The following NARS2 variants were observed in gnomAD, a reference collection of about 807,000 sequenced individuals.
The protein encoded by NARS2 is asparaginyl-tRNA synthetase 2, mitochondrial.
NARS2 carries 60 observed loss-of-function variants against 62.9 expected under a neutral mutation model. The ratio of observed to expected loss-of-function variants is 0.95; its 90% confidence interval spans 0.77 to 1.18. NARS2 has a LOEUF of 1.18. NARS2 is among the 50% of genes most tolerant of loss of function. NARS2 has a pLI of 0.00. For synonymous variants in NARS2, 196 were observed against 200.0 expected (o/e 0.98, Z 0.17); for missense variants, 619 against 576.4 (o/e 1.07, Z -0.76).
intron 11 of NARS2, 52 bp from the exon 12 acceptor site, chr11:78,443,810 G>A: frequency 7.4e-7 from 1 of 1,345,988 alleles, no homozygotes; most frequent in Non-Finnish European, 1.1e-6. Flanking sequence ...GATTCCAACA[G>A]TCAGTTTCTG....
intron 11 of NARS2, among the ~76,000 whole-genome samples, chr11:78,464,805 C>G (rs920276882): frequency 1.3e-5 from 2 of 152,176 alleles, no homozygotes; most frequent in Non-Finnish European, 2.9e-5. Flanking sequence ...TGTTTACAAA[C>G]CTTGAGCTAG....
Position 78,571,347 on chromosome 11 carries a change from C to G in NARS2, c.239G>C (p.Gly80Ala). The change falls in exon 2 of 14, where the codon GGC (glycine) becomes GCC (alanine). Residue 80 changes from glycine (G) to alanine (A), a missense_variant. Transcript: ENST00000281038. ...LESLQVVADS[G>A]LDSRELNFGS... ...AAACAAAACTCACCTACTGTCAAGG[C>G]CTGAATCTGCAACAACCTGAAGGCT... The G allele has an allele frequency of 6.2e-7, 1 of 1,611,496 alleles. No individual in the cohort carries two copies. Among genetic ancestry groups the G allele is most frequent in the Non-Finnish European group, 8.5e-7 (1 of 1,177,926 alleles).
chr11:78,509,635 G>C (rs180894491), intron 6 of NARS2, among the ~76,000 whole-genome samples: 1 of 152,026 alleles, frequency 6.6e-6, no homozygotes, highest in African/African-American at 2.4e-5. Context: ...GCATTTCAAA[G>C]ATTTATTCAT....
At chr11:78,518,085 T>A (rs1860978754) in intron 6 of NARS2, among the ~76,000 whole-genome samples, 1 of 152,208 alleles carries the variant, frequency 6.6e-6, no homozygotes, top group Admixed American at 6.5e-5. Context: ...CAACCGACTT[T>A]GGATTGAAAA....
chr11:78,472,651 C>T (rs1858924111), intron 9 of NARS2, among the ~76,000 whole-genome samples: 1 of 152,138 alleles, frequency 6.6e-6, no homozygotes, highest in South Asian at 2.1e-4. Flanking sequence ...CAAAAGAATA[C>T]AAGTCACATG....
intron 6 of NARS2, among the ~76,000 whole-genome samples, chr11:78,522,327 G>A (rs1861162181): frequency 6.6e-6 from 1 of 152,076 alleles, no homozygotes; most frequent in Admixed American, 6.6e-5. Flanking sequence ...AGAGCTTTCA[G>A]ATAATGATAC....
chr11:78,460,542 G>A (rs1354574131), intron 11 of NARS2, among the ~76,000 whole-genome samples: 2 of 152,172 alleles, frequency 1.3e-5, no homozygotes, highest in African/African-American at 4.8e-5. Flanking sequence ...AAGAGGAAAT[G>A]AAGAGAAATG....
At chr11:78,511,486 G>A (rs1860718972) in intron 6 of NARS2, among the ~76,000 whole-genome samples, 1 of 152,282 alleles carries the variant, frequency 6.6e-6, no homozygotes, top group East Asian at 1.9e-4. Context: ...GGGAGGCCAA[G>A]ACAGGCGGAT....
At chr11:78,459,235 T>G (rs1377131151) in intron 11 of NARS2, among the ~76,000 whole-genome samples, 1 of 147,828 alleles carries the variant, frequency 6.8e-6, no homozygotes, top group Non-Finnish European at 1.5e-5. Context: ...CTGATGGTGG[T>G]TTTTTTTGTC....
At chr11:78,516,317 T>G (rs1465289579) in intron 6 of NARS2, among the ~76,000 whole-genome samples, 3 of 152,230 alleles carry the variant, frequency 2.0e-5, no homozygotes, top group South Asian at 2.1e-4. Context: ...GATTTCTGTT[T>G]GTCCAAGAAT....
At chr11:78,515,467 A>C (rs116317569) in intron 6 of NARS2, among the ~76,000 whole-genome samples, 4,740 of 152,250 alleles carry the variant, frequency 0.031, 252 homozygotes, top group African/African-American at 0.11. Flanking sequence ...AAAATTAGGT[A>C]ATGTTGACGG....
intron 6 of NARS2, among the ~76,000 whole-genome samples, chr11:78,513,855 G>A (rs1860808387): frequency 6.6e-6 from 1 of 152,050 alleles, no homozygotes; most frequent in South Asian, 2.1e-4. Context: ...GGTGGTTTCT[G>A]GATCATAGGG....
intron 11 of NARS2, among the ~76,000 whole-genome samples, chr11:78,458,024 GA>G (rs1858236310): frequency 6.6e-6 from 1 of 152,156 alleles, no homozygotes; most frequent in Non-Finnish European, 1.5e-5. Flanking sequence ...ATTATAGCTA[GA>G]TAGGAGGAAT....
chr11:78,499,611 AGAAAATCTTT>A (rs961576399), intron 6 of NARS2, among the ~76,000 whole-genome samples: 3 of 152,276 alleles, frequency 2.0e-5, no homozygotes, highest in African/African-American at 7.2e-5. Context: ...TCTGTCAACA[AGAAAATCTTT>A]GAAAAGGACT....
chr11:78,474,784 A>T (rs1266273679), intron 9 of NARS2, among the ~76,000 whole-genome samples: 3 of 152,230 alleles, frequency 2.0e-5, no homozygotes, highest in African/African-American at 4.8e-5. Flanking sequence ...ACATTTATTT[A>T]AAAATGTCTG....
At position 78,481,958 on chromosome 11, in the gene NARS2, T is replaced by C. The variant is rs551326177; in HGVS notation, c.823-3275A>G. 6.6e-5 allele frequency among the ~76,000 whole-genome samples: 10 copies of C among 152,160 alleles called. No homozygotes were observed. The South Asian group carries it at 2.1e-3, about 32-fold the overall frequency. ...TGACTACCACCAGCGGAGTACCAAA[T>C]AAATAAGAACTGGAGTAGCAAATCA... On this transcript the variant is annotated intron_variant, in intron 7 of 13. Coordinates refer to ENST00000281038, the MANE Select transcript of NARS2 (RefSeq NM_024678.6).
intron 10 of NARS2, among the ~76,000 whole-genome samples, chr11:78,467,089 T>A (rs1479159713): frequency 1.3e-5 from 2 of 152,210 alleles, no homozygotes; most frequent in Non-Finnish European, 2.9e-5. Context: ...CAAGGAATAG[T>A]TTAAACACAA....
chr11:78,542,736 C>G (rs1855671139), intron 5 of NARS2, among the ~76,000 whole-genome samples: 1 of 152,162 alleles, frequency 6.6e-6, no homozygotes, highest in Admixed American at 6.5e-5. Flanking sequence ...GAGACCCTGA[C>G]TCTACTTTAA....
Position 78,574,362 on chromosome 11 carries a change from G to A in NARS2, c.127C>T (p.Arg43Cys). ...ALGAQNASGE[R>C]IKIQGWIRSV... ...CATTCACCAACCTGGATCTTAATGCGCTCCCCACTCGCGTTCTGAGCCCCG... is the reference window on the plus strand; with the variant it reads ...CATTCACCAACCTGGATCTTAATGCACTCCCCACTCGCGTTCTGAGCCCCG... The change falls in exon 1 of 14, where the codon CGC (arginine) becomes TGC (cysteine). Residue 43 changes from arginine to cysteine, a missense_variant. By Grantham distance (180) the Arg-to-Cys change is radical. Transcript: ENST00000281038. 1.3e-5 allele frequency: 21 copies of A among 1,614,176 alleles called. No homozygotes were observed. The highest frequency in any genetic ancestry group is 1.6e-5 in the Non-Finnish European group (19 of 1,180,034).
Sources: gnomAD v4.1 joint callset for allele counts (sites outside exome capture counted in the v4.1 genomes callset) on GRCh38, gnomAD v4.1.1 for gene constraint, MANE v1.5 for transcripts, NCBI Gene and HGNC (gene_info 2026-07-23, HGNC 2026-07-21) for gene names.